Variants in PLCZ1 observed in about 807,000 individuals in gnomAD.
PLCZ1 encodes 1-phosphatidylinositol 4,5-bisphosphate phosphodiesterase zeta-1.
PLCZ1 carries 64 observed loss-of-function variants against 76.8 expected under a neutral mutation model. The ratio of observed to expected loss-of-function variants is 0.83; its 90% confidence interval spans 0.68 to 1.03. The LOEUF is 1.03. Ranked by LOEUF, PLCZ1 falls within the 50% of genes least tolerant of loss-of-function variation. The probability of loss-of-function intolerance (pLI) is 0.00; values close to 1 mark genes in which losing one functional copy is unlikely to be tolerated. For synonymous variants in PLCZ1, 248 were observed against 230.8 expected (o/e 1.07, Z -0.68); for missense variants, 751 against 713.7 (o/e 1.05, Z -0.60).
the PLCZ1 span, among the ~76,000 whole-genome samples, chr12:18,653,655 G>C: frequency 5.9e-5 from 9 of 152,098 alleles, no homozygotes; most frequent in African/African-American, 1.4e-4. Flanking sequence ...ACGAATTCAA[G>C]TGGTATGTTT....
chr12:18,658,189 G>A, the PLCZ1 span, among the ~76,000 whole-genome samples: 1 of 152,160 alleles, frequency 6.6e-6, no homozygotes, highest in African/African-American at 2.4e-5. Flanking sequence ...GATCCTAAGA[G>A]ACCTATGAAA....
At chr12:18,704,189 A>C (rs1565692750) in intron 7 of PLCZ1, among the ~76,000 whole-genome samples, 1 of 152,204 alleles carries the variant, frequency 6.6e-6, no homozygotes, top group Non-Finnish European at 1.5e-5. Context: ...AAAGAGGTTC[A>C]TTAGAATTTA....
intron 5 of PLCZ1, among the ~76,000 whole-genome samples, chr12:18,716,632 A>C (rs1958018930): frequency 6.6e-6 from 1 of 152,200 alleles, no homozygotes; most frequent in African/African-American, 2.4e-5. Context: ...TAGGAAACTT[A>C]CAGGTGATAG....
At chr12:18,678,886 G>A (rs143117378), downstream of PLCZ1, among the ~76,000 whole-genome samples, 1 of 152,124 alleles carries the variant, frequency 6.6e-6, no homozygotes, top group African/African-American at 2.4e-5. Context: ...TTATATGGTA[G>A]GGATGTGCTT....
At chr12:18,692,003 G>A (rs1954164490) in intron 12 of PLCZ1, among the ~76,000 whole-genome samples, 2 of 152,152 alleles carry the variant, frequency 1.3e-5, no homozygotes, top group African/African-American at 4.8e-5. Flanking sequence ...TAGACGTGGA[G>A]TGTAGCTTCC....
chr12:18,692,237 T>C (rs1380726246), intron 12 of PLCZ1, among the ~76,000 whole-genome samples: 2 of 152,122 alleles, frequency 1.3e-5, no homozygotes, highest in African/African-American at 4.8e-5. Context: ...AGATGGTTTA[T>C]ACAGTTCTAG....
chr12:18,732,488 A>G (rs966860368), intron 3 of PLCZ1, among the ~76,000 whole-genome samples: 1 of 151,622 alleles, frequency 6.6e-6, no homozygotes, highest in Non-Finnish European at 1.5e-5. Flanking sequence ...AGAATACTCA[A>G]TCTAAGATCT....
intron 3 of PLCZ1, chr12:18,735,943 C>G: frequency 3.6e-6 from 1 of 280,858 alleles, no homozygotes; most frequent in Non-Finnish European, 6.7e-6. Context: ...ATACAGTTAC[C>G]ATTATCAGTC....
At chr12:18,722,451 A>G (rs950381281) in intron 4 of PLCZ1, among the ~76,000 whole-genome samples, 2 of 152,096 alleles carry the variant, frequency 1.3e-5, no homozygotes, top group Admixed American at 1.3e-4. Flanking sequence ...AAACTACATT[A>G]TCATGTGTTA....
At chr12:18,662,284 A>G in the PLCZ1 span, among the ~76,000 whole-genome samples, 3 of 144,832 alleles carry the variant, frequency 2.1e-5, no homozygotes, top group African/African-American at 4.9e-5. Context: ...CCTATGTAGC[A>G]AACCTGAACA....
intron 5 of PLCZ1, among the ~76,000 whole-genome samples, chr12:18,717,086 A>G (rs1958069568): frequency 6.6e-6 from 1 of 152,178 alleles, no homozygotes; most frequent in Admixed American, 6.5e-5. Context: ...CATACTAAGC[A>G]TGTGTCTTCC....
At chr12:18,702,285 TA>T (rs772935255) in intron 7 of PLCZ1, among the ~76,000 whole-genome samples, 2 of 152,078 alleles carry the variant, frequency 1.3e-5, no homozygotes, top group Non-Finnish European at 2.9e-5. Flanking sequence ...GTATTACACA[TA>T]AACATCATTA....
At chr12:18,712,765 A>T (rs1248346267) in intron 6 of PLCZ1, 77 bp downstream of exon 6, 16 of 1,521,098 alleles carry the variant, frequency 1.1e-5, no homozygotes, top group African/African-American at 1.4e-5. Flanking sequence ...AAGGCTAAGC[A>T]TTATAGGATT....
At chr12:18,658,743 T>C in the PLCZ1 span, among the ~76,000 whole-genome samples, 6 of 152,240 alleles carry the variant, frequency 3.9e-5, no homozygotes, top group Admixed American at 2.0e-4. Context: ...TTAGAAGGTT[T>C]TACATATTCT....
At chr12:18,698,242 CTTCTA>C (rs10659264) in intron 10 of PLCZ1, among the ~76,000 whole-genome samples, 2,183 of 145,500 alleles carry the variant, frequency 0.015, 33 homozygotes, top group African/African-American at 0.04. Context: ...ATACACTTTT[CTTCTA>C]TTCTATTCTA....
intron 4 of PLCZ1, among the ~76,000 whole-genome samples, chr12:18,721,290 A>G (rs5025416): frequency 7.3e-5 from 11 of 151,492 alleles, no homozygotes; most frequent in Admixed American, 5.9e-4. Context: ...TCACATACCA[A>G]TGAGGGATGA....
At chr12:18,650,700 GTGTGTATATATCTATATA>G in the PLCZ1 span, among the ~76,000 whole-genome samples, 41 of 43,822 alleles carry the variant, frequency 9.4e-4, 1 homozygote, top group South Asian at 2.3e-3. Flanking sequence ...GTGTGTGTGT[GTGTGTATATATCTATATA>G]TATATATATA....
rs752381629 is a variant in PLCZ1 at position 18,712,939 on chromosome 12, C to G, written c.617G>C (p.Gly206Ala). 3 of 1,613,774 alleles carry G rather than the reference C, an allele frequency of 1.9e-6. No individual in the cohort carries two copies. Among genetic ancestry groups the G allele is most frequent in the South Asian group, 2.2e-5 (2 of 91,074 alleles). ...CRCLEIDCWDGAQNEPVVYHG... is the reference protein window; with the variant it reads ...CRCLEIDCWDAAQNEPVVYHG... The stretch of plus-strand genomic sequence containing the variant: ...ATATACAACAGGTTCATTTTGTGCT[C>G]CATCCCAGCAGTCAATCTCCAAACA... Residue 206 changes from glycine to alanine, a missense_variant, in exon 6 of 15, where the codon GGA becomes GCA. Coordinates refer to ENST00000266505, the MANE Select transcript of PLCZ1 (RefSeq NM_033123.4).
chr12:18,649,870 G>A, the PLCZ1 span, among the ~76,000 whole-genome samples: 1,905 of 152,014 alleles, frequency 0.013, 41 homozygotes, highest in African/African-American at 0.043. Context: ...GTTTAGCTTC[G>A]TTGCCTTTTT....
Sources: allele counts gnomAD v4.1 joint callset (sites outside exome capture counted in the v4.1 genomes callset), GRCh38; gene constraint gnomAD v4.1.1; transcripts MANE v1.5; gene names NCBI Gene and HGNC (gene_info 2026-07-23, HGNC 2026-07-21).